Variants in KLK13 observed in about 807,000 individuals in gnomAD.
KLK13 encodes the protein kallikrein-13.
KLK13 carries 19 observed loss-of-function variants against 22.4 expected under a neutral mutation model. That is an observed-to-expected ratio of 0.85 (90% CI 0.59 to 1.24). KLK13 has a LOEUF of 1.24. KLK13 is among the 50% of genes most tolerant of loss of function. The pLI, the probability that KLK13 is intolerant of heterozygous loss-of-function variation, is 0.00. For synonymous variants in KLK13, 156 were observed against 141.8 expected (o/e 1.10, Z -0.71); for missense variants, 311 against 347.9 (o/e 0.89, Z 0.84).
chr19:51,058,559 C>T lies in KLK13; in HGVS notation c.624G>A (p.Glu208=), dbSNP rs1387078651. The part of the protein sequence containing the change: ...TDNMLCAGTK[E]GGKDSCEGDS... The stretch of plus-strand genomic sequence containing the variant: ...TCACCTCACAGGAGTCTTTGCCACC[C>T]TCTTTTGTGCCGGCACACAACATGT... The change falls in exon 4 of 5, where the codon GAG becomes GAA. Residue 208 remains glutamate (E), a synonymous_variant. Transcript: ENST00000595793. 1 of 1,614,058 alleles carries T rather than the reference C, an allele frequency of 6.2e-7. No individual in the cohort carries two copies. The highest frequency in any genetic ancestry group is 8.5e-7 in the Non-Finnish European group (1 of 1,180,040).
At chr19:51,059,698 T>C (rs1286749540) in intron 3 of KLK13, 127 bp downstream of exon 3, 1 of 536,456 alleles carries the variant, frequency 1.9e-6, no homozygotes, top group African/African-American at 2.0e-5. Context: ...ACTTTAAATA[T>C]ATATATTTAT....
At chr19:51,059,793 T>C (rs1433074400) in intron 3 of KLK13, 32 bp downstream of exon 3, 2 of 1,541,148 alleles carry the variant, frequency 1.3e-6, no homozygotes, top group African/African-American at 1.4e-5. Context: ...GCCACTCCTA[T>C]GGGGCCTCAG....
At chr19:51,058,301 T>C (rs1215191035) in intron 4 of KLK13, among the ~76,000 whole-genome samples, 1 of 152,196 alleles carries the variant, frequency 6.6e-6, no homozygotes, top group Non-Finnish European at 1.5e-5. Context: ...ATACCAACCT[T>C]TATGCATCTC....
At chr19:51,058,753 G>A in intron 3 of KLK13, 79 bp from the exon 4 acceptor site, 2 of 1,387,132 alleles carry the variant, frequency 1.4e-6, no homozygotes, top group Non-Finnish European at 2.0e-6. Flanking sequence ...CGAGTTGAAT[G>A]GGTAAAGAGT....
chr19:51,065,071 T>G lies in KLK13; in HGVS notation c.-4A>C. On this transcript the variant is annotated 5_prime_UTR_variant, in exon 1 of 5. Transcript: ENST00000595793. ...TCACTAGGGCCAGGGGCCACATGGC[T>G]CCGGGATCGGGAGGGGAGGGCAGGG... 1.4e-6 allele frequency: 1 copy of G among 739,196 alleles called. No homozygotes were observed. The highest frequency in any genetic ancestry group is 6.9e-5 in the East Asian group (1 of 14,542). 45.8% of individuals were successfully genotyped at this position (739,196 alleles called of 1,614,324 possible).
rs777654181 is a variant in KLK13, at chr19:51,060,471, G to A, written c.201C>T (p.His67=). 6 of 1,613,354 alleles carry A rather than the reference G, an allele frequency of 3.7e-6. No individual in the cohort carries two copies. Among genetic ancestry groups the A allele is most frequent in the African/African-American group, 1.3e-5 (1 of 74,890 alleles). Residue 67 remains histidine, a synonymous_variant, in exon 2 of 5, where the codon CAC becomes CAT. Coordinates refer to ENST00000595793, the MANE Select transcript of KLK13 (RefSeq NM_015596.3). ...GTGCGGCAGTGAGGACCCATTTGGG[G>A]TGGACCAGGACTCCCCCACAGAGTA... is the stretch of plus-strand genomic sequence containing the variant. ...GRLLCGGVLV[H]PKWVLTAAHC...
At chr19:51,061,460 T>C (rs1285177024) in intron 1 of KLK13, among the ~76,000 whole-genome samples, 1 of 152,236 alleles carries the variant, frequency 6.6e-6, no homozygotes, top group African/African-American at 2.4e-5. Flanking sequence ...TATTCCCAAC[T>C]TGATTCTTCT....
In KLK13 at chr19:51,056,402, G is replaced by A; in HGVS notation, c.*185C>T. ...GATGTTTCAGGGATGCAACATCTGGGAGACTGCAAGCCTGGCAGTGCCTGA... is the reference window on the plus strand; with the variant it reads ...GATGTTTCAGGGATGCAACATCTGGAAGACTGCAAGCCTGGCAGTGCCTGA... On this transcript the variant is annotated 3_prime_UTR_variant, in exon 5 of 5. Coordinates refer to ENST00000595793, the MANE Select transcript of KLK13 (RefSeq NM_015596.3). 1.6e-6 allele frequency: 1 copy of A among 644,836 alleles called. No homozygotes were observed. Among genetic ancestry groups the A allele is most frequent in the Non-Finnish European group, 2.7e-6 (1 of 372,326 alleles). 39.9% of individuals were successfully genotyped at this position (644,836 alleles called of 1,614,324 possible). A position where few individuals can be genotyped will look rare whatever the true frequency, so the allele number is the denominator to read the frequency against.
chr19:51,060,674 T>A, intron 1 of KLK13, 55 bp from the exon 2 acceptor site: 1 of 1,417,276 alleles, frequency 7.1e-7, no homozygotes, highest in Non-Finnish European at 9.6e-7. Flanking sequence ...AGAGGAGCCC[T>A]GGGGTTGTGG....
At chr19:51,062,145 C>G (rs1047818067) in intron 1 of KLK13, among the ~76,000 whole-genome samples, 2 of 151,990 alleles carry the variant, frequency 1.3e-5, no homozygotes, top group African/African-American at 4.8e-5. Flanking sequence ...TTCAAATGTT[C>G]AATAGCCTGA....
Position 51,056,470 on chromosome 19 carries a change from TCAGGACATGGA to T in KLK13, c.*106_*116del. 1 of 1,086,044 alleles carries T rather than the reference TCAGGACATGGA, an allele frequency of 9.2e-7. No individual in the cohort carries two copies. 67.3% of individuals were successfully genotyped at this position (1,086,044 alleles called of 1,614,324 possible). On this transcript the variant is annotated 3_prime_UTR_variant, in exon 5 of 5. Coordinates refer to ENST00000595793, the MANE Select transcript of KLK13 (RefSeq NM_015596.3). Reference sequence around the variant, plus strand: ...AATGTTAGCTGAGATTGAGCATTTTTCAGGACATGGATCACTGGTTCAAATGGAACACTGGG... The same window carrying T: ...AATGTTAGCTGAGATTGAGCATTTTTTCACTGGTTCAAATGGAACACTGGG...
chr19:51,063,995 G>A (rs1202469581), intron 1 of KLK13: 2 of 364,196 alleles, frequency 5.5e-6, no homozygotes, highest in South Asian at 2.1e-5. Context: ...ACAGTGGCCG[G>A]TGTTTAATAG....
At chr19:51,065,166 C>T (rs1261349818), upstream of KLK13, 4 of 809,890 alleles carry the variant, frequency 4.9e-6, no homozygotes, top group African/African-American at 3.5e-5. Flanking sequence ...TCTGAAACCT[C>T]TCTGCTCCTG....
At position 51,058,607 on chromosome 19, in the gene KLK13, G is replaced by A; in HGVS notation, c.576C>T (p.Val192=). The A allele has an allele frequency of 6.2e-7, 1 of 1,614,190 alleles. No homozygotes were observed. The highest frequency in any genetic ancestry group is 8.5e-7 in the Non-Finnish European group (1 of 1,180,032). Residue 192 remains valine, a synonymous_variant, in exon 4 of 5, where the codon GTC becomes GTT. Transcript: ENST00000595793. The part of the protein sequence containing the change: ...QLRSDEECRQ[V]YPGKITDNML... ...TGTTGTCAGTGATCTTTCCTGGGTA[G>A]ACTTGACGACACTCCTCATCTGAGC...
At chr19:51,060,189 T>A (rs993805931) in intron 2 of KLK13, 96 bp from the exon 3 acceptor site, 1 of 1,452,568 alleles carries the variant, frequency 6.9e-7, no homozygotes, top group African/African-American at 1.4e-5. Flanking sequence ...CCTAACTTCT[T>A]CTCCATCCTA....
chr19:51,058,616 A>G lies in KLK13; in HGVS notation c.567T>C (p.Cys189=). 1 of 1,614,158 alleles carries G rather than the reference A, an allele frequency of 6.2e-7. No individual in the cohort carries two copies. The highest frequency in any genetic ancestry group is 8.5e-7 in the Non-Finnish European group (1 of 1,180,032). The change falls in exon 4 of 5, where the codon TGT becomes TGC. Residue 189 remains cysteine, a synonymous_variant. Coordinates refer to ENST00000595793, the MANE Select transcript of KLK13 (RefSeq NM_015596.3). ...TGATCTTTCCTGGGTAGACTTGACG[A>G]CACTCCTCATCTGAGCGAAGTTGGA... is the stretch of plus-strand genomic sequence containing the variant. ...ANIQLRSDEE[C]RQVYPGKITD...
Position 51,059,250 on chromosome 19 carries a change from C to A in KLK13, c.508+575G>T, listed in dbSNP as rs184213636. On this transcript the variant is annotated intron_variant, in intron 3 of 4. Transcript: ENST00000595793. ...AGTAATGATATAGAATTAATTATTA[C>A]ATTGAATTATTAGACATTTCATTAA... Among the ~76,000 whole-genome samples the A allele has an allele frequency of 7.3e-4, 110 of 150,562 alleles. 3 individuals are homozygous for A. Among genetic ancestry groups the A allele is most frequent in the African/African-American group, 2.7e-3 (109 of 41,080 alleles).
At chr19:51,057,766 T>C (rs8111658) in intron 4 of KLK13, among the ~76,000 whole-genome samples, 47,318 of 152,102 alleles carry the variant, frequency 0.31, 7,912 homozygotes, top group Middle Eastern at 0.44. Flanking sequence ...CATGAACTAC[T>C]GTACTTGGCC....
chr19:51,064,663 G>A (rs1221861642), intron 1 of KLK13: 1 of 576,834 alleles, frequency 1.7e-6, no homozygotes, highest in Non-Finnish European at 3.3e-6. Context: ...TTTTCCAGAT[G>A]AAAACAATTT....
Sources: gnomAD v4.1 joint callset for allele counts (sites outside exome capture counted in the v4.1 genomes callset) on GRCh38, gnomAD v4.1.1 for gene constraint, MANE v1.5 for transcripts, NCBI Gene and HGNC (gene_info 2026-07-23, HGNC 2026-07-21) for gene names.